EXOC6B: variants seen among roughly 807,000 people sequenced by gnomAD.
EXOC6B encodes SEC15 homolog B.
EXOC6B carries 54 observed loss-of-function variants against 113.5 expected under a neutral mutation model. The observed-to-expected ratio is 0.48, with a 90% CI of 0.38 to 0.60. EXOC6B has a LOEUF of 0.60. Ranked by LOEUF, EXOC6B falls within the 20% of genes least tolerant of loss-of-function variation. EXOC6B has a pLI of 0.00. For synonymous variants in EXOC6B, 357 were observed against 339.0 expected (o/e 1.05, Z -0.58); for missense variants, 797 against 977.5 (o/e 0.82, Z 2.46).
chr2:72,710,864 C>A (rs754618829), intron 6 of EXOC6B, among the ~76,000 whole-genome samples: 1 of 152,136 alleles, frequency 6.6e-6, no homozygotes. Flanking sequence ...TGCCTAGGAG[C>A]CTTCAATATC....
intron 1 of EXOC6B, among the ~76,000 whole-genome samples, chr2:72,823,224 G>A (rs1686677685): frequency 2.7e-5 from 4 of 146,108 alleles, no homozygotes; most frequent in Admixed American, 2.7e-4. Flanking sequence ...GTCAAGAAAA[G>A]CAAGTAAAAC....
chr2:72,822,911 G>A (rs1281151516), intron 1 of EXOC6B, among the ~76,000 whole-genome samples: 1 of 152,056 alleles, frequency 6.6e-6, no homozygotes, highest in Non-Finnish European at 1.5e-5. Context: ...TCATGATAGT[G>A]ATGAAAAACA....
At chr2:72,213,278 A>C (rs1300990186) in intron 20 of EXOC6B, among the ~76,000 whole-genome samples, 1 of 152,226 alleles carries the variant, frequency 6.6e-6, no homozygotes, top group Non-Finnish European at 1.5e-5. Flanking sequence ...ATACCACGTA[A>C]AACTGCCTAG....
chr2:72,393,838 CAAT>C (rs1692546940), intron 18 of EXOC6B, among the ~76,000 whole-genome samples: 1 of 152,042 alleles, frequency 6.6e-6, no homozygotes, highest in Non-Finnish European at 1.5e-5. Flanking sequence ...TTCAAAACAA[CAAT>C]AACACCACCA....
chr2:72,686,473 G>A (rs983411988), intron 6 of EXOC6B, among the ~76,000 whole-genome samples: 3 of 152,150 alleles, frequency 2.0e-5, no homozygotes, highest in Non-Finnish European at 4.4e-5. Context: ...ATTATTATCT[G>A]ATATTCCTAA....
intron 8 of EXOC6B, among the ~76,000 whole-genome samples, chr2:72,557,289 C>CTGG (rs1703604129): frequency 1.3e-4 from 1 of 7,802 alleles, no homozygotes; most frequent in African/African-American, 6.2e-4. Context: ...AAAATAAAAT[C>CTGG]CGGGGGGGGG....
intron 1 of EXOC6B, among the ~76,000 whole-genome samples, chr2:72,798,051 C>A (rs1471628902): frequency 6.6e-6 from 1 of 151,982 alleles, no homozygotes; most frequent in Non-Finnish European, 1.5e-5. Context: ...GAGTATACTG[C>A]CAAAGATAAT....
rs887721446 is a variant in EXOC6B at position 72,721,312 on chromosome 2, G to C, written c.465-3005C>G. Among the ~76,000 whole-genome samples, 4 of 129,884 alleles carry C rather than the reference G, an allele frequency of 3.1e-5. No homozygotes were observed. The East Asian group carries it at 7.5e-4, about 24-fold the overall frequency. The allele number at this position is 129,884 out of a possible 152,430, so 85.2% of individuals were successfully genotyped here. On this transcript the variant is annotated intron_variant, in intron 5 of 21. Coordinates refer to ENST00000272427, the MANE Select transcript of EXOC6B (RefSeq NM_015189.3). ...CCACTGCACTCCAGCCTGGGTGATA[G>C]AGTAAGACGCCATCTCAAAGAAAAA...
At chr2:72,443,657 G>A (rs1055727838) in intron 18 of EXOC6B, among the ~76,000 whole-genome samples, 1 of 152,174 alleles carries the variant, frequency 6.6e-6, no homozygotes, top group Admixed American at 6.5e-5. Context: ...AATCATGGCA[G>A]AAGGCGAAAG....
intron 6 of EXOC6B, among the ~76,000 whole-genome samples, 156 bp from the exon 7 acceptor site, chr2:72,575,824 G>A (rs1704816035): frequency 6.6e-6 from 1 of 151,960 alleles, no homozygotes; most frequent in Non-Finnish European, 1.5e-5. Context: ...TACAACAAAA[G>A]GCCTTAGTAC....
intron 2 of EXOC6B, among the ~76,000 whole-genome samples, chr2:72,737,215 T>C (rs1681021915): frequency 6.6e-6 from 1 of 152,028 alleles, no homozygotes; most frequent in South Asian, 2.1e-4. Context: ...TACATGCCTG[T>C]AGTCCTAGCT....
intron 1 of EXOC6B, among the ~76,000 whole-genome samples, chr2:72,805,672 A>G (rs559445629): frequency 6.6e-6 from 1 of 152,294 alleles, no homozygotes; most frequent in African/African-American, 2.4e-5. Flanking sequence ...CAATTTTCAA[A>G]CATATAGTAC....
rs188707447 is a variant in EXOC6B at position 72,179,342 on chromosome 2, T to A, written c.2429A>T (p.His810Leu). 4 of 1,607,434 alleles carry A rather than the reference T, an allele frequency of 2.5e-6. No individual in the cohort carries two copies. The African/African-American group carries it at 5.4e-5, about 22-fold the overall frequency. ...TGGGTCCGGGGTCACCCTTCATGAGTGGTGGCTGCTGATGAGTCCTCGGAG... is the reference window on the plus strand; with the variant it reads ...TGGGTCCGGGGTCACCCTTCATGAGAGGTGGCTGCTGATGAGTCCTCGGAG... The part of the protein sequence containing the change: ...KQLRGLISSH[H>L]S The change falls in exon 22 of 22, where the codon CAC (histidine) becomes CTC (leucine). Residue 810 changes from histidine to leucine, a missense_variant. By Grantham distance (99) the His-to-Leu change is moderately conservative (BLOSUM62 -3). Coordinates refer to ENST00000272427, the MANE Select transcript of EXOC6B (RefSeq NM_015189.3).
chr2:72,650,252 T>G (rs914378461), intron 6 of EXOC6B, among the ~76,000 whole-genome samples: 2 of 152,164 alleles, frequency 1.3e-5, no homozygotes, highest in Non-Finnish European at 2.9e-5. Context: ...GTGGAAAAAT[T>G]GTCTTCATGA....
At chr2:72,227,798 A>C (rs887112621) in intron 20 of EXOC6B, among the ~76,000 whole-genome samples, 3 of 152,208 alleles carry the variant, frequency 2.0e-5, no homozygotes, top group Admixed American at 2.0e-4. Flanking sequence ...TTTTAACAAG[A>C]GTCTTTCCCT....
intron 19 of EXOC6B, among the ~76,000 whole-genome samples, chr2:72,364,512 G>A (rs1476978238): frequency 1.3e-5 from 2 of 152,030 alleles, no homozygotes; most frequent in Admixed American, 6.6e-5. Flanking sequence ...ATAAGATATT[G>A]GCTCTCTGGA....
chr2:72,442,996 G>C (rs1462364378), intron 18 of EXOC6B, among the ~76,000 whole-genome samples: 1 of 151,974 alleles, frequency 6.6e-6, no homozygotes, highest in South Asian at 2.1e-4. Flanking sequence ...TATACTACAC[G>C]GCTACAATAA....
At chr2:72,568,414 T>C (rs920661826) in intron 7 of EXOC6B, among the ~76,000 whole-genome samples, 11 of 152,174 alleles carry the variant, frequency 7.2e-5, no homozygotes, top group African/African-American at 2.4e-4. Flanking sequence ...ATTATACTTA[T>C]GTAGAAGAAT....
intron 20 of EXOC6B, among the ~76,000 whole-genome samples, chr2:72,294,262 T>G (rs1685986011): frequency 6.6e-6 from 1 of 152,172 alleles, no homozygotes; most frequent in African/African-American, 2.4e-5. Flanking sequence ...AAGAATTTAA[T>G]GAACAATTAT....
Sources: gnomAD v4.1 joint callset for allele counts (sites outside exome capture counted in the v4.1 genomes callset) on GRCh38, gnomAD v4.1.1 for gene constraint, MANE v1.5 for transcripts, NCBI Gene and HGNC (gene_info 2026-07-23, HGNC 2026-07-21) for gene names.